The following PCDHGA5 variants were observed in gnomAD, a reference collection of about 807,000 sequenced individuals.
PCDHGA5 encodes the protein protocadherin gamma-A5.
A neutral mutation model predicts 56.7 loss-of-function variants in PCDHGA5; 36 were observed. That is an observed-to-expected ratio of 0.64 (90% CI 0.49 to 0.84). The LOEUF is 0.84. Among genes scored for constraint, PCDHGA5 ranks in the 40% least tolerant of loss-of-function variants. The pLI is 0.00. For missense variants in PCDHGA5, 1,305 were observed against 1,201.5 expected (o/e 1.09, Z -1.27); for synonymous variants, 563 against 520.2 (o/e 1.08, Z -1.12).
intron 1 of PCDHGA5, chr5:141,395,109 A>C (rs1181706209): frequency 6.2e-7 from 1 of 1,614,210 alleles, no homozygotes; most frequent in Non-Finnish European, 8.5e-7. Flanking sequence ...CTCGCGGAAG[A>C]GTCACCTGAT....
chr5:141,487,123 T>C lies in PCDHGA5; in HGVS notation c.2422-7684T>C. 6.2e-7 allele frequency: 1 copy of C among 1,614,086 alleles called. No homozygotes were observed. The highest frequency in any genetic ancestry group is 1.1e-5 in the South Asian group (1 of 91,082). On this transcript the variant is annotated intron_variant, in intron 1 of 3. Coordinates refer to ENST00000518069, the MANE Select transcript of PCDHGA5 (RefSeq NM_018918.3). The surrounding 1 kb of genome is among the most constrained non-coding windows in gnomAD (Gnocchi z 5.0). ...AGCTGGTCATTGTGGTAAAGGATAG[T>C]GGTAGTCCACCACTCTCTACCTCTG...
intron 1 of PCDHGA5, among the ~76,000 whole-genome samples, chr5:141,446,727 A>G (rs546345866): frequency 6.6e-6 from 1 of 152,258 alleles, no homozygotes; most frequent in African/African-American, 2.4e-5. Context: ...TCGGCCTCCC[A>G]AAGTGTGGGG....
chr5:141,476,922 C>T lies in PCDHGA5; in HGVS notation c.2422-17885C>T. 4 of 1,614,120 alleles carry T rather than the reference C, an allele frequency of 2.5e-6. No individual in the cohort carries two copies. Among genetic ancestry groups the T allele is most frequent in the Non-Finnish European group, 2.5e-6 (3 of 1,180,050 alleles). On this transcript the variant is annotated intron_variant, in intron 1 of 3. Transcript: ENST00000518069. The surrounding 1 kb of genome is among the most constrained non-coding windows in gnomAD (Gnocchi z 7.6). ...ACGCGCGTGGTACAAGTCCTTGCAA[C>T]GGATCTGGATGAAGGCCCCAACGGT...
chr5:141,486,168 A>C lies in PCDHGA5; in HGVS notation c.2422-8639A>C, dbSNP rs774913463. 6.2e-7 allele frequency: 1 copy of C among 1,614,196 alleles called. No homozygotes were observed. Among genetic ancestry groups the C allele is most frequent in the South Asian group, 1.1e-5 (1 of 91,084 alleles). On this transcript the variant is annotated intron_variant, in intron 1 of 3. Transcript: ENST00000518069. The surrounding 1 kb of genome is among the most constrained non-coding windows in gnomAD (Gnocchi z 5.0). ...GATGGGGGTTCTCCAGCCATGGAGC[A>C]ACATTGCAGCCTTCGAGTGGATCTG...
chr5:141,510,229 C>T (rs904367594), intron 3 of PCDHGA5, among the ~76,000 whole-genome samples: 3 of 150,486 alleles, frequency 2.0e-5, no homozygotes, highest in African/African-American at 7.4e-5. Context: ...GCCGGGATCG[C>T]GCCACTGCAC....
chr5:141,389,888 G>A, intron 1 of PCDHGA5: 1 of 1,614,086 alleles, frequency 6.2e-7, no homozygotes, highest in Non-Finnish European at 8.5e-7. Context: ...GCTTGCAGGA[G>A]GTGCTGCCGG....
intron 2 of PCDHGA5, among the ~76,000 whole-genome samples, chr5:141,504,947 A>G (rs1595930930): frequency 6.6e-6 from 1 of 152,200 alleles, no homozygotes; most frequent in Non-Finnish European, 1.5e-5. Context: ...GGAATGCACT[A>G]TGTTCAATGC....
Position 141,370,644 on chromosome 5 carries a change from T to A in PCDHGA5, c.2421+3893T>A, listed in dbSNP as rs758086721. The A allele has an allele frequency of 5.6e-6, 9 of 1,613,802 alleles. No homozygotes were observed. The highest frequency in any genetic ancestry group is 7.6e-6 in the Non-Finnish European group (9 of 1,179,900). On this transcript the variant is annotated intron_variant, in intron 1 of 3. Transcript: ENST00000518069. ...TACCGTGAGCCCCGAAAATGGGAAC[T>A]TACTTGTGAGCGACCGTATAGACCG... is the stretch of plus-strand genomic sequence containing the variant.
At chr5:141,389,191 T>G in intron 1 of PCDHGA5, 1 of 1,614,050 alleles carries the variant, frequency 6.2e-7, no homozygotes, top group African/African-American at 1.3e-5. Context: ...AGTTCCAGCA[T>G]CACCCTGCAC....
intron 1 of PCDHGA5, chr5:141,384,327 A>G (rs750339599): frequency 2.7e-5 from 43 of 1,613,860 alleles, no homozygotes; most frequent in Non-Finnish European, 3.1e-5. Flanking sequence ...TAGTGACTGC[A>G]CAGGACCACG....
chr5:141,450,846 A>C (rs2098698903), intron 1 of PCDHGA5, among the ~76,000 whole-genome samples: 1 of 115,730 alleles, frequency 8.6e-6, no homozygotes. Context: ...TTTTTTTGAG[A>C]TGGGGTCTTG....
At chr5:141,501,606 G>A (rs2099810134) in intron 2 of PCDHGA5, among the ~76,000 whole-genome samples, 1 of 152,012 alleles carries the variant, frequency 6.6e-6, no homozygotes, top group African/African-American at 2.4e-5. Flanking sequence ...AGTTCCAGCT[G>A]TGTGACTCTG....
chr5:141,486,161 A>G lies in PCDHGA5; in HGVS notation c.2422-8646A>G. 1 of 1,614,216 alleles carries G rather than the reference A, an allele frequency of 6.2e-7. No individual in the cohort carries two copies. The highest frequency in any genetic ancestry group is 8.5e-7 in the Non-Finnish European group (1 of 1,180,038). ...GGCTCGCGATGGGGGTTCTCCAGCC[A>G]TGGAGCAACATTGCAGCCTTCGAGT... On this transcript the variant is annotated intron_variant, in intron 1 of 3. Coordinates refer to ENST00000518069, the MANE Select transcript of PCDHGA5 (RefSeq NM_018918.3). The surrounding 1 kb of genome is among the most constrained non-coding windows in gnomAD (Gnocchi z 5.0).
intron 2 of PCDHGA5, among the ~76,000 whole-genome samples, chr5:141,500,125 T>C (rs1367341826): frequency 2.0e-5 from 3 of 151,970 alleles, no homozygotes; most frequent in African/African-American, 4.8e-5. Flanking sequence ...CCTTTTCATA[T>C]ATATCTTTCT....
chr5:141,427,467 T>TC, intron 1 of PCDHGA5: 1 of 508,052 alleles, frequency 2.0e-6, no homozygotes. Flanking sequence ...AATCGAATCT[T>TC]CCGCCAATAA....
Position 141,428,104 on chromosome 5 carries a change from T to C in PCDHGA5, c.2421+61353T>C, listed in dbSNP as rs751953406. ...AACGCTTGGCTGTCCTACCACGTGCTGCAGGCCATCGAGCCCGGGCTTTTC... is the reference window on the plus strand; with the variant it reads ...AACGCTTGGCTGTCCTACCACGTGCCGCAGGCCATCGAGCCCGGGCTTTTC... On this transcript the variant is annotated intron_variant, in intron 1 of 3. Coordinates refer to ENST00000518069, the MANE Select transcript of PCDHGA5 (RefSeq NM_018918.3). The C allele has an allele frequency of 1.9e-6, 3 of 1,608,398 alleles. No individual in the cohort carries two copies. The South Asian group carries it at 3.3e-5, about 18-fold the overall frequency.
At chr5:141,429,912 A>G (rs1341795921) in intron 1 of PCDHGA5, among the ~76,000 whole-genome samples, 2 of 152,234 alleles carry the variant, frequency 1.3e-5, no homozygotes, top group Admixed American at 1.3e-4. Flanking sequence ...TTGAAATATA[A>G]TGTATTAATA....
chr5:141,422,069 C>A, intron 1 of PCDHGA5: 3 of 1,611,836 alleles, frequency 1.9e-6, no homozygotes, highest in Non-Finnish European at 2.5e-6. Flanking sequence ...GTAATGTATT[C>A]ATTTCGGAAC....
intron 1 of PCDHGA5, among the ~76,000 whole-genome samples, chr5:141,488,007 G>A (rs1269050547): frequency 6.6e-6 from 1 of 152,178 alleles, no homozygotes; most frequent in African/African-American, 2.4e-5. Flanking sequence ...ATCAGATTCT[G>A]AAGTACCTTA....
Sources: allele counts gnomAD v4.1 joint callset (sites outside exome capture counted in the v4.1 genomes callset), GRCh38; gene constraint gnomAD v4.1.1; non-coding constraint Gnocchi (gnomAD v3.1); transcripts MANE v1.5; gene names NCBI Gene and HGNC (gene_info 2026-07-23, HGNC 2026-07-21).